The following ADGRB3 variants were observed in gnomAD, a reference collection of about 807,000 sequenced individuals.
ADGRB3 encodes the protein adhesion G protein-coupled receptor B3, also known as brain-specific angiogenesis inhibitor 3.
A neutral mutation model predicts 193.4 loss-of-function variants in ADGRB3; 37 were observed. The ratio of observed to expected loss-of-function variants is 0.19; its 90% CI spans 0.15 to 0.25. The LOEUF (loss-of-function observed/expected upper bound fraction) is 0.25, where lower values mean the gene tolerates loss of function less well. Ranked by LOEUF, ADGRB3 falls within the 10% of genes least tolerant of loss-of-function variation. The pLI, the probability that ADGRB3 is intolerant of heterozygous loss-of-function variation, is 1.00. For missense variants in ADGRB3, 1,637 were observed against 1,852.9 expected (o/e 0.88, Z 2.14); for synonymous variants, 690 against 644.2 (o/e 1.07, Z -1.08).
Position 68,677,965 on chromosome 6 carries a change from TGATGA to T in ADGRB3, c.757+38537_757+38541del, listed in dbSNP as rs937757154. ...TTTATTCATGAATTTTTTTTTAATT[TGATGA>T]GATATCACCCTGTAAAAATAACCAT... On this transcript the variant is annotated intron_variant, in intron 3 of 31. Transcript: ENST00000370598. Among the ~76,000 whole-genome samples the T allele has an allele frequency of 4.4e-3, 672 of 152,314 alleles. 7 individuals carry two copies. Among genetic ancestry groups the T allele is most frequent in the African/African-American group, 0.014 (596 of 41,562 alleles).
At chr6:68,688,370 A>G (rs1341322150) in intron 3 of ADGRB3, among the ~76,000 whole-genome samples, 3 of 151,552 alleles carry the variant, frequency 2.0e-5, no homozygotes, top group Admixed American at 6.6e-5. Context: ...TTTCTCTTTT[A>G]ACTTAAATAT....
intron 6 of ADGRB3, among the ~76,000 whole-genome samples, chr6:68,945,167 GAGA>G (rs1283444505): frequency 6.6e-6 from 1 of 152,106 alleles, no homozygotes; most frequent in Admixed American, 6.6e-5. Flanking sequence ...GTTCCCTTCA[GAGA>G]AGGACTACTA....
At position 68,650,935 on chromosome 6, in the gene ADGRB3, T is replaced by G. The variant is rs376982369; in HGVS notation, c.757+11503T>G. ...TGAATAGGCAATGCAAAACAGATAT[T>G]TTATGTCTGCTGGATGTTTTTGGAA... On this transcript the variant is annotated intron_variant, in intron 3 of 31. Coordinates refer to ENST00000370598, the MANE Select transcript of ADGRB3 (RefSeq NM_001704.3). 4.8e-4 allele frequency among the ~76,000 whole-genome samples: 73 copies of G among 152,316 alleles called. No homozygotes were observed. The East Asian group carries it at 0.01, about 21-fold the overall frequency.
intron 3 of ADGRB3, among the ~76,000 whole-genome samples, chr6:68,709,273 T>G (rs1362643474): frequency 6.6e-6 from 1 of 152,162 alleles, no homozygotes; most frequent in Non-Finnish European, 1.5e-5. Flanking sequence ...TTCTTTCTTT[T>G]CCGGTTGAGA....
At chr6:69,194,517 G>A (rs60158977) in intron 17 of ADGRB3, among the ~76,000 whole-genome samples, 1 of 151,998 alleles carries the variant, frequency 6.6e-6, no homozygotes, top group African/African-American at 2.4e-5. Flanking sequence ...GTTCCTTTCT[G>A]TGTTGCCAAA....
intron 3 of ADGRB3, among the ~76,000 whole-genome samples, chr6:68,840,628 G>A (rs114272271): frequency 0.014 from 2,136 of 151,946 alleles, 40 homozygotes; most frequent in African/African-American, 0.049. Flanking sequence ...TGGGTTGGGT[G>A]TCAGCTCAGC....
Position 68,639,264 on chromosome 6 carries a change from A to C in ADGRB3, c.589A>C (p.Thr197Pro). ...ATGTGGGATCATGTATACAAAATGC[A>C]CCTGCCCTCAGCATTTGGGAGAGTG... ...ESCGIMYTKC[T>P]CPQHLGEWGI... The change falls in exon 3 of 32, where the codon ACC (threonine) becomes CCC (proline). Residue 197 changes from threonine to proline, a missense_variant. By Grantham distance (38) the Thr-to-Pro change is conservative. Coordinates refer to ENST00000370598, the MANE Select transcript of ADGRB3 (RefSeq NM_001704.3). 6.2e-7 allele frequency: 1 copy of C among 1,614,154 alleles called. No homozygotes were observed.
chr6:69,261,326 A>G (rs1766922821), intron 20 of ADGRB3, among the ~76,000 whole-genome samples: 1 of 152,120 alleles, frequency 6.6e-6, no homozygotes, highest in African/African-American at 2.4e-5. Flanking sequence ...TAGGTTTTAT[A>G]AGCAGAATGA....
At chr6:68,738,902 G>A (rs1365550754) in intron 3 of ADGRB3, among the ~76,000 whole-genome samples, 1 of 152,144 alleles carries the variant, frequency 6.6e-6, no homozygotes, top group African/African-American at 2.4e-5. Flanking sequence ...AATAGAGAAG[G>A]GGTCTGAGGA....
At chr6:68,698,899 G>A (rs186211483) in intron 3 of ADGRB3, among the ~76,000 whole-genome samples, 2 of 152,084 alleles carry the variant, frequency 1.3e-5, no homozygotes, top group Admixed American at 6.6e-5. Flanking sequence ...TCTCTAATAG[G>A]TAGGTCTAGG....
intron 3 of ADGRB3, among the ~76,000 whole-genome samples, chr6:68,676,351 A>G (rs1431055374): frequency 6.8e-6 from 1 of 146,592 alleles, no homozygotes; most frequent in Non-Finnish European, 1.5e-5. Context: ...AGCTCGCACC[A>G]CTGCACTCCA....
At chr6:69,256,923 A>T (rs1467903458) in intron 20 of ADGRB3, among the ~76,000 whole-genome samples, 2 of 152,188 alleles carry the variant, frequency 1.3e-5, no homozygotes, top group African/African-American at 4.8e-5. Flanking sequence ...AGGTTGTTGA[A>T]TTTTGTCAAA....
chr6:68,928,977 T>A (rs1229381524), intron 3 of ADGRB3, among the ~76,000 whole-genome samples: 2 of 152,186 alleles, frequency 1.3e-5, no homozygotes, highest in Admixed American at 1.3e-4. Flanking sequence ...GATATAAAAT[T>A]CCTAAATTGT....
chr6:69,348,789 A>G (rs1291803707), intron 26 of ADGRB3, among the ~76,000 whole-genome samples: 3 of 152,240 alleles, frequency 2.0e-5, no homozygotes, highest in African/African-American at 4.8e-5. Context: ...TGGAGGTTCA[A>G]TATGTCTTAA....
rs35408314 is a variant in ADGRB3 at position 68,791,049 on chromosome 6, TA to T, written c.758-139493del. On this transcript the variant is annotated intron_variant, in intron 3 of 31. Transcript: ENST00000370598. ...GGCAGCACAGTGAGACCACATCTCT[TA>T]AAAAAAAAAAAAAAAAGTCTTGTAT... Among the ~76,000 whole-genome samples the T allele has an allele frequency of 4.7e-3, 461 of 97,302 alleles. 1 individual carries two copies. The highest frequency in any genetic ancestry group is 1.0e-2 in the African/African-American group (325 of 32,606). 63.8% of individuals were successfully genotyped at this position (97,302 alleles called of 152,430 possible). A position where few individuals can be genotyped will look rare whatever the true frequency, so the allele number is the denominator to read the frequency against.
At chr6:68,659,498 G>A (rs973595179) in intron 3 of ADGRB3, among the ~76,000 whole-genome samples, 15 of 150,356 alleles carry the variant, frequency 1.0e-4, no homozygotes, top group Admixed American at 7.3e-4. Flanking sequence ...TTATATATGC[G>A]AAGAAGCATA....
At chr6:69,370,895 A>G (rs1769693052) in intron 29 of ADGRB3, among the ~76,000 whole-genome samples, 2 of 152,114 alleles carry the variant, frequency 1.3e-5, no homozygotes, top group Admixed American at 6.6e-5. Flanking sequence ...ATATTGCAGC[A>G]AAGTGTGGTG....
chr6:69,353,098 G>C (rs757700100), intron 26 of ADGRB3, among the ~76,000 whole-genome samples: 5 of 152,196 alleles, frequency 3.3e-5, no homozygotes, highest in Non-Finnish European at 5.9e-5. Flanking sequence ...TGGGGAGCTT[G>C]ATGAACCTCT....
intron 3 of ADGRB3, among the ~76,000 whole-genome samples, chr6:68,897,212 G>A (rs1349878652): frequency 6.6e-6 from 1 of 151,746 alleles, no homozygotes; most frequent in East Asian, 1.9e-4. Context: ...AATACAGAGA[G>A]GTTTGGGTGT....
Sources: gnomAD v4.1 joint callset for allele counts (sites outside exome capture counted in the v4.1 genomes callset) on GRCh38, gnomAD v4.1.1 for gene constraint, MANE v1.5 for transcripts, NCBI Gene and HGNC (gene_info 2026-07-23, HGNC 2026-07-21) for gene names.